DOCK7: variants seen among roughly 807,000 people sequenced by gnomAD.
DOCK7 encodes the protein dedicator of cytokinesis protein 7.
A neutral mutation model predicts 271.0 loss-of-function variants in DOCK7; 138 were observed. The ratio of observed to expected loss-of-function variants is 0.51; its 90% confidence interval spans 0.44 to 0.59. The LOEUF (loss-of-function observed/expected upper bound fraction) is 0.59, where lower values mean the gene tolerates loss of function less well. Among genes scored for constraint, DOCK7 ranks in the 20% least tolerant of loss-of-function variants. The probability of loss-of-function intolerance (pLI) is 0.00; values close to 1 mark genes in which losing one functional copy is unlikely to be tolerated. For synonymous variants in DOCK7, 823 were observed against 876.1 expected (o/e 0.94, Z 1.07); for missense variants, 2,066 against 2,592.4 (o/e 0.80, Z 4.41).
intron 14 of DOCK7, among the ~76,000 whole-genome samples, chr1:62,599,381 T>A (rs948268160): frequency 6.6e-6 from 1 of 151,996 alleles, no homozygotes; most frequent in Non-Finnish European, 1.5e-5. Flanking sequence ...ACTCTCTGAT[T>A]TCCCTTAGGG....
Position 62,653,900 on chromosome 1 carries a change from TAAG to T in DOCK7, c.320+81_320+83del. ...TGCGTAACAGGAAATGATGATGCTA[TAAG>T]AAGTAGGCTCTAAATAAAATAATGG... On this transcript the variant is annotated intron_variant, in intron 3 of 49. Transcript: ENST00000635253. 4 of 1,525,852 alleles carry T rather than the reference TAAG, an allele frequency of 2.6e-6. No individual in the cohort carries two copies. In the South Asian group the frequency reaches 4.7e-5, roughly 18 times the overall value. 94.5% of individuals were successfully genotyped at this position (1,525,852 alleles called of 1,614,324 possible). A position where few individuals can be genotyped will look rare whatever the true frequency, so the allele number is the denominator to read the frequency against.
intron 7 of DOCK7, chr1:62,641,108 T>C: frequency 7.7e-6 from 2 of 259,368 alleles, no homozygotes; most frequent in South Asian, 8.7e-5. Context: ...TAAACAGTCT[T>C]TATTGGACTC....
intron 35 of DOCK7, among the ~76,000 whole-genome samples, chr1:62,506,606 G>A (rs1459219427): frequency 6.6e-6 from 1 of 151,822 alleles, no homozygotes; most frequent in East Asian, 2.0e-4. Context: ...GAGTAGCTAG[G>A]ATTACAGGTG....
chr1:62,465,114 C>A (rs563404563), intron 48 of DOCK7, among the ~76,000 whole-genome samples: 1 of 152,306 alleles, frequency 6.6e-6, no homozygotes, highest in South Asian at 2.1e-4. Context: ...ACATACTGTA[C>A]TACTGCCATA....
intron 1 of DOCK7, among the ~76,000 whole-genome samples, chr1:62,666,613 AC>A (rs1258875353): frequency 6.6e-6 from 1 of 152,200 alleles, no homozygotes; most frequent in Non-Finnish European, 1.5e-5. Flanking sequence ...CTATCTCTTA[AC>A]CATATCATGA....
intron 18 of DOCK7, among the ~76,000 whole-genome samples, chr1:62,569,625 A>T (rs928955422): frequency 6.6e-6 from 1 of 152,114 alleles, no homozygotes; most frequent in African/African-American, 2.4e-5. Flanking sequence ...CCCACAGCCA[A>T]TATCATACTG....
intron 43 of DOCK7, chr1:62,481,840 T>A (rs539377622): frequency 6.6e-6 from 1 of 152,356 alleles, no homozygotes; most frequent in African/African-American, 2.4e-5. Context: ...ATGGACTAGT[T>A]GTATATTTCC....
At chr1:62,665,309 G>A (rs1235801143) in intron 1 of DOCK7, among the ~76,000 whole-genome samples, 17 of 152,044 alleles carry the variant, frequency 1.1e-4, no homozygotes, top group Admixed American at 1.1e-3. Flanking sequence ...TTTTAATGAA[G>A]CCTATATAAT....
At chr1:62,466,943 A>AAC (rs1490028995) in intron 48 of DOCK7, among the ~76,000 whole-genome samples, 110 of 152,226 alleles carry the variant, frequency 7.2e-4, no homozygotes, top group African/African-American at 2.6e-3. Context: ...AACAAAAAAA[A>AAC]ACAAAAAACA....
At chr1:62,670,961 C>T (rs566805622) in intron 1 of DOCK7, among the ~76,000 whole-genome samples, 204 of 152,202 alleles carry the variant, frequency 1.3e-3, no homozygotes, top group African/African-American at 4.6e-3. Context: ...ACACTCCCCG[C>T]GAAGATCTGC....
intron 31 of DOCK7, among the ~76,000 whole-genome samples, chr1:62,518,318 T>A (rs902083295): frequency 6.6e-6 from 1 of 152,136 alleles, no homozygotes; most frequent in African/African-American, 2.4e-5. Context: ...ACGCCTGTAA[T>A]CCCAGCACTT....
Position 62,555,937 on chromosome 1 carries a change from A to C in DOCK7, c.2484T>G (p.Leu828=). 6.2e-7 allele frequency: 1 copy of C among 1,613,908 alleles called. No homozygotes were observed. Residue 828 remains leucine (L), a synonymous_variant, in exon 21 of 50, where the codon CTT becomes CTG. Transcript: ENST00000635253. ...FEAMASIINR[L]HKNLEGNHDQ... is the part of the protein sequence containing the mutation. Reference sequence around the variant, plus strand: ...CATGATTTCCTTCCAAGTTTTTGTGAAGTCGATTTATAATTGATGCCATGG... The same window carrying C: ...CATGATTTCCTTCCAAGTTTTTGTGCAGTCGATTTATAATTGATGCCATGG...
chr1:62,624,157 T>A (rs1306553559), intron 12 of DOCK7, among the ~76,000 whole-genome samples: 1 of 151,998 alleles, frequency 6.6e-6, no homozygotes, highest in Non-Finnish European at 1.5e-5. Flanking sequence ...AATTTTCTGA[T>A]CTTGATTCAT....
intron 38 of DOCK7, 157 bp from the exon 39 acceptor site, chr1:62,495,838 G>T: frequency 1.9e-6 from 1 of 536,214 alleles, no homozygotes; most frequent in Non-Finnish European, 3.1e-6. Context: ...GTGGGGATAT[G>T]GTAAGTGAAG....
Position 62,604,625 on chromosome 1 carries a change from T to G in DOCK7, c.1682+14081A>C, listed in dbSNP as rs1457043867. 8 of 1,612,800 alleles carry G rather than the reference T, an allele frequency of 5.0e-6. No individual in the cohort carries two copies. The highest frequency in any genetic ancestry group is 1.1e-5 in the South Asian group (1 of 91,064). Reference sequence around the variant, plus strand: ...GTACCCATTAAATTGCATATCTATCTCCTTTAGGAGGCTGGTGGTGGCATG... The same window carrying G: ...GTACCCATTAAATTGCATATCTATCGCCTTTAGGAGGCTGGTGGTGGCATG... On this transcript the variant is annotated intron_variant, in intron 14 of 49. Coordinates refer to ENST00000635253, the MANE Select transcript of DOCK7 (RefSeq NM_001367561.1).
At chr1:62,495,133 G>C (rs1646583173) in intron 39 of DOCK7, 1 of 152,270 alleles carries the variant, frequency 6.6e-6, no homozygotes, top group Non-Finnish European at 1.5e-5. Context: ...AGGAACTCTG[G>C]GGCCCAGGAC....
At position 62,528,248 on chromosome 1, in the gene DOCK7, T is replaced by C; in HGVS notation, c.3839A>G (p.Glu1280Gly). ...ICIATDDYES[E>G]SGSMISQTVA... ...GGTCTGGCTTATCATACTTCCGCTC[T>C]CACTTTCATAATCATCAGTGGCTAT... The change falls in exon 31 of 50, where the codon GAG becomes GGG. Residue 1280 changes from glutamate (E) to glycine (G), a missense_variant. Physicochemically the swap from Glu to Gly is moderately conservative, Grantham distance 98. Transcript: ENST00000635253. 6.2e-7 allele frequency: 1 copy of C among 1,613,708 alleles called. No individual in the cohort carries two copies. The highest frequency in any genetic ancestry group is 2.2e-5 in the East Asian group (1 of 44,844).
chr1:62,598,626 T>C (rs1481000115), intron 14 of DOCK7: 17 of 818,000 alleles, frequency 2.1e-5, no homozygotes, highest in East Asian at 5.0e-5. Context: ...TAGATTATGA[T>C]AGTGTTACAG....
At chr1:62,576,962 C>G (rs1646959073) in intron 18 of DOCK7, among the ~76,000 whole-genome samples, 1 of 152,102 alleles carries the variant, frequency 6.6e-6, no homozygotes, top group Non-Finnish European at 1.5e-5. Flanking sequence ...AAAGAAGTTT[C>G]TCAAGTTACA....
Sources: gnomAD v4.1 joint callset for allele counts (sites outside exome capture counted in the v4.1 genomes callset) on GRCh38, gnomAD v4.1.1 for gene constraint, MANE v1.5 for transcripts, NCBI Gene and HGNC (gene_info 2026-07-23, HGNC 2026-07-21) for gene names.